Variants in ARID1B observed in about 807,000 individuals in gnomAD.
ARID1B encodes the protein AT-rich interactive domain-containing protein 1B.
ARID1B carries 30 observed loss-of-function variants against 212.3 expected under a neutral mutation model. The observed-to-expected ratio is 0.14, with a 90% CI of 0.11 to 0.19. The LOEUF (loss-of-function observed/expected upper bound fraction) is 0.19, where lower values mean the gene tolerates loss of function less well. ARID1B is among the 10% of genes least tolerant of loss of function. The pLI is 1.00. For synonymous variants in ARID1B, 1,402 were observed against 1,301.7 expected (o/e 1.08, Z -1.66); for missense variants, 2,891 against 3,204.0 (o/e 0.90, Z 2.36).
chr6:156,936,880 T>C (rs1792277497), intron 4 of ARID1B: 2 of 152,298 alleles, frequency 1.3e-5, no homozygotes, highest in East Asian at 1.9e-4. Context: ...ATGTTAAACA[T>C]GACATTTGAC....
chr6:157,147,225 T>C (rs62424333), intron 7 of ARID1B, among the ~76,000 whole-genome samples: 44 of 322 alleles, frequency 0.14, 4 homozygotes, highest in Admixed American at 0.28. Context: ...CCTCCGTCCC[T>C]CACCTCCGAC....
At chr6:156,935,427 G>A (rs747093489) in intron 3 of ARID1B, 39 bp from the exon 4 acceptor site, 2 of 1,509,036 alleles carry the variant, frequency 1.3e-6, no homozygotes, top group South Asian at 2.3e-5. Context: ...AACTCATTGA[G>A]ATATTTATGA....
Position 157,197,221 on chromosome 6 carries a change from AG to A in ARID1B, c.4382+907del, listed in dbSNP as rs1457321150. On this transcript the variant is annotated intron_variant, in intron 16 of 19. Transcript: ENST00000636930. ...AATATTTCAGATTTTTAAAGAAAAA[AG>A]ATAGAGGCATAATAGAAGGGCTTTT... Among the ~76,000 whole-genome samples, 5 of 152,334 alleles carry A rather than the reference AG, an allele frequency of 3.3e-5. No homozygotes were observed. In the East Asian group the frequency reaches 7.7e-4, roughly 24 times the overall value.
intron 5 of ARID1B, among the ~76,000 whole-genome samples, chr6:157,087,181 C>G (rs1166369333): frequency 6.6e-6 from 1 of 152,136 alleles, no homozygotes; most frequent in African/African-American, 2.4e-5. Context: ...GTGGCATATT[C>G]TTCAAGTAAA....
chr6:156,944,032 C>T (rs192122019), intron 4 of ARID1B: 1 of 152,298 alleles, frequency 6.6e-6, no homozygotes, highest in East Asian at 1.9e-4. Context: ...TTGAGCAATA[C>T]ACGTCATTTC....
At chr6:157,060,955 CT>C (rs1783305338) in intron 4 of ARID1B, among the ~76,000 whole-genome samples, 1 of 151,950 alleles carries the variant, frequency 6.6e-6, no homozygotes, top group South Asian at 2.1e-4. Flanking sequence ...TATTTTCAGC[CT>C]TTAAAAAAAT....
chr6:157,174,360 C>A (rs1422629844), intron 10 of ARID1B: 1 of 385,396 alleles, frequency 2.6e-6, no homozygotes, highest in Non-Finnish European at 4.6e-6. Flanking sequence ...AGGGACAAGA[C>A]CCACCTAAGA....
At chr6:156,851,441 C>T (rs1784574248) in intron 2 of ARID1B, among the ~76,000 whole-genome samples, 1 of 152,158 alleles carries the variant, frequency 6.6e-6, no homozygotes, top group South Asian at 2.1e-4. Flanking sequence ...GAAGGGATTT[C>T]CCCCCACTTT....
At chr6:157,171,790 G>C (rs1204663264) in intron 9 of ARID1B, among the ~76,000 whole-genome samples, 1 of 152,152 alleles carries the variant, frequency 6.6e-6, no homozygotes, top group East Asian at 1.9e-4. Flanking sequence ...ATTCATGTAA[G>C]TCTGATTTTC....
rs1793995976 is a variant in ARID1B, at chr6:157,200,125, G to T, written c.4480-580G>T. On this transcript the variant is annotated intron_variant, in intron 17 of 19. Transcript: ENST00000636930. This position sits in a 1 kb window ranked among gnomAD's most constrained non-coding sequence, Gnocchi z 4.3. ...AAGCTTAATAACAGGTGTGGTCCCA[G>T]CCCTGTCCTCAGTGCTGGGACCAGT... Among the ~76,000 whole-genome samples, 1 of 152,154 alleles carries T rather than the reference G, an allele frequency of 6.6e-6. No individual in the cohort carries two copies. The highest frequency in any genetic ancestry group is 2.1e-4 in the South Asian group (1 of 4,824).
chr6:156,953,868 T>C (rs191046251), intron 4 of ARID1B, among the ~76,000 whole-genome samples: 1 of 152,342 alleles, frequency 6.6e-6, no homozygotes, highest in East Asian at 1.9e-4. Context: ...TTAGAGTGGT[T>C]ACTGAACTAT....
At chr6:156,871,748 C>A in intron 2 of ARID1B, 2 of 1,400,356 alleles carry the variant, frequency 1.4e-6, no homozygotes, top group East Asian at 4.9e-5. Flanking sequence ...TCCCCTCCTG[C>A]AGGAACAGGG....
At chr6:157,105,220 A>G (rs991698858) in intron 5 of ARID1B, among the ~76,000 whole-genome samples, 1 of 152,212 alleles carries the variant, frequency 6.6e-6, no homozygotes, top group Non-Finnish European at 1.5e-5. Context: ...GTACTCGAAG[A>G]AAACTAGGGT....
Position 157,130,375 on chromosome 6 carries a change from C to G in ARID1B, c.2582-2653C>G, listed in dbSNP as rs552098431. 1.5e-3 allele frequency among the ~76,000 whole-genome samples: 230 copies of G among 152,208 alleles called. 6 individuals are homozygous for G. In the South Asian group the frequency reaches 0.041, roughly 27 times the overall value. On this transcript the variant is annotated intron_variant, in intron 6 of 19. Transcript: ENST00000636930. ...AATTGAAACACATTTTTTTATTAAA[C>G]AGGACTCTATCTGAAACACTTGAGA...
intron 4 of ARID1B, among the ~76,000 whole-genome samples, chr6:157,004,890 CTTTTTTCTTTTTTTTTTTT>C (rs1779123995): frequency 1.1e-4 from 4 of 35,688 alleles, no homozygotes; most frequent in African/African-American, 2.6e-4. Context: ...TTTTCTTCTT[CTTTTTTCTTTTTTTTTTTT>C]TTTTTTTTTT....
intron 1 of ARID1B, among the ~76,000 whole-genome samples, chr6:156,795,814 C>T (rs991586597): frequency 2.0e-5 from 3 of 152,120 alleles, no homozygotes; most frequent in Non-Finnish European, 4.4e-5. Context: ...TGGGAAGTTT[C>T]TCTTTATGTC....
rs1332061566 is a variant in ARID1B, at chr6:157,189,654, C to A, written c.3932C>A (p.Ser1311Tyr). The A allele has an allele frequency of 6.2e-7, 1 of 1,608,622 alleles. No homozygotes were observed. Among genetic ancestry groups the A allele is most frequent in the Non-Finnish European group, 8.5e-7 (1 of 1,179,044 alleles). ...LQPPSPANSGSLQGPQTPQST... is the reference protein window; with the variant it reads ...LQPPSPANSGYLQGPQTPQST... ...CTGCTACTATCAGCTAACTCGGGAT[C>A]CTTGCAAGGCCCACAGACCCCCCAG... Residue 1311 changes from serine to tyrosine, a missense_variant, in exon 14 of 20, where the codon TCC becomes TAC. Physicochemically the swap from Ser to Tyr is moderately radical, Grantham distance 144. Around this residue, in one of 7 missense-constraint regions of ARID1B, gnomAD observed 666 missense variants for 873.5 expected, o/e 0.76. Transcript: ENST00000636930.
At chr6:156,908,640 C>A (rs990177997) in intron 3 of ARID1B, among the ~76,000 whole-genome samples, 11 of 151,862 alleles carry the variant, frequency 7.2e-5, no homozygotes, top group African/African-American at 2.4e-4. Context: ...AAATATGAGA[C>A]TAAAATTTTT....
At chr6:156,884,156 G>T (rs1421465001) in intron 2 of ARID1B, among the ~76,000 whole-genome samples, 1 of 152,164 alleles carries the variant, frequency 6.6e-6, no homozygotes, top group Non-Finnish European at 1.5e-5. Flanking sequence ...TACAAATGTA[G>T]CACATACAGC....
Sources: gnomAD v4.1 joint callset for allele counts (sites outside exome capture counted in the v4.1 genomes callset) on GRCh38, gnomAD v4.1.1 for gene constraint, gnomAD v4.1.1 regional missense constraint, Gnocchi (gnomAD v3.1) non-coding constraint, MANE v1.5 for transcripts, NCBI Gene and HGNC (gene_info 2026-07-23, HGNC 2026-07-21) for gene names.